The following MPP1 variants were observed in gnomAD, a reference collection of about 807,000 sequenced individuals.
The protein encoded by MPP1 is 55 kDa erythrocyte membrane protein.
In MPP1, 6 loss-of-function variants were observed where a neutral mutation model predicts 38.2. The observed-to-expected ratio is 0.16, with a 90% CI of 0.09 to 0.31. The LOEUF (loss-of-function observed/expected upper bound fraction) is 0.31. Among genes scored for constraint, MPP1 ranks in the 10% least tolerant of loss-of-function variants. The pLI is 1.00. For synonymous variants in MPP1, 153 were observed against 146.3 expected, an observed-to-expected ratio of 1.05 and a Z score of -0.33; for missense variants, 293 against 368.9, an observed-to-expected ratio of 0.79 and a Z score of 1.69.
intron 7 of MPP1, among the ~76,000 whole-genome samples, 168 bp from the exon 8 acceptor site, chrX:154,784,276 T>C (rs782816759): frequency 1.2e-4 from 13 of 110,909 alleles, no homozygotes; most frequent in Non-Finnish European, 2.5e-4. Flanking sequence ...ACTGTATTTT[T>C]AGTGTGGTGA....
At chrX:154,798,308 A>G (rs2072219318) in intron 1 of MPP1, among the ~76,000 whole-genome samples, 1 of 112,523 alleles carries the variant, frequency 8.9e-6, no homozygotes, top group Non-Finnish European at 1.9e-5. Context: ...TGTTCACTCA[A>G]AAGCCTGTAC....
intron 8 of MPP1, 89 bp downstream of exon 8, chrX:154,783,939 T>C: frequency 1.1e-6 from 1 of 873,672 alleles, no homozygotes; most frequent in Middle Eastern, 3.2e-4. Context: ...TCAGTTCTTT[T>C]CTTCCTCACT....
intron 3 of MPP1, 53 bp from the exon 4 acceptor site, chrX:154,791,121 C>G: frequency 9.6e-7 from 1 of 1,037,774 alleles, no homozygotes; most frequent in East Asian, 3.0e-5. Context: ...CAAACAGGAG[C>G]TGTCAATGTA....
At chrX:154,783,712 C>A in intron 8 of MPP1, 1 of 434,959 alleles carries the variant, frequency 2.3e-6, no homozygotes, top group South Asian at 3.5e-5. Flanking sequence ...CAAGGACTTA[C>A]TCTGTTTCAG....
At chrX:154,801,524 C>T (rs1009113574) in intron 1 of MPP1, among the ~76,000 whole-genome samples, 2 of 109,842 alleles carry the variant, frequency 1.8e-5, no homozygotes, top group Non-Finnish European at 3.8e-5. Flanking sequence ...TTTGGGAGGC[C>T]GAGGCAGGCG....
intron 5 of MPP1, among the ~76,000 whole-genome samples, chrX:154,787,539 A>G (rs1557267354): frequency 8.9e-6 from 1 of 112,323 alleles, no homozygotes; most frequent in Non-Finnish European, 1.9e-5. Flanking sequence ...TAAAATTCTT[A>G]GCAAACTTGG....
At chrX:154,794,138 T>C (rs1443825898) in intron 1 of MPP1, among the ~76,000 whole-genome samples, 1 of 111,519 alleles carries the variant, frequency 9.0e-6, no homozygotes, top group African/African-American at 3.3e-5. Context: ...AACACTACTC[T>C]TAAAAGCCCA....
intron 1 of MPP1, among the ~76,000 whole-genome samples, chrX:154,793,098 C>A (rs1557267911): frequency 8.9e-6 from 1 of 111,811 alleles, no homozygotes; most frequent in Admixed American, 9.5e-5. Flanking sequence ...GAAAAATGGT[C>A]TGCACGATAA....
intron 7 of MPP1, 34 bp from the exon 8 acceptor site, chrX:154,784,142 C>T: frequency 9.0e-7 from 1 of 1,113,441 alleles, no homozygotes; most frequent in Non-Finnish European, 1.2e-6. Context: ...GTGTTCATTT[C>T]CAGAGCTAGG....
intron 2 of MPP1, 82 bp downstream of exon 2, chrX:154,792,060 C>T: frequency 8.7e-7 from 1 of 1,143,429 alleles, no homozygotes; most frequent in Non-Finnish European, 1.2e-6. Flanking sequence ...ACTCCATGAG[C>T]AGCCTCTTGC....
At chrX:154,797,144 C>T (rs903417845) in intron 1 of MPP1, among the ~76,000 whole-genome samples, 2 of 112,084 alleles carry the variant, frequency 1.8e-5, no homozygotes, top group African/African-American at 3.2e-5. Flanking sequence ...CAGGGGACTC[C>T]AACTTCTTTT....
chrX:154,787,205 T>C (rs1284487160), intron 5 of MPP1, among the ~76,000 whole-genome samples: 2 of 110,074 alleles, frequency 1.8e-5, no homozygotes, highest in Non-Finnish European at 3.8e-5. Flanking sequence ...AGAAGGCTAA[T>C]CTCATACGAA....
At chrX:154,789,071 A>C (rs2072112206) in intron 5 of MPP1, among the ~76,000 whole-genome samples, 1 of 111,693 alleles carries the variant, frequency 9.0e-6, no homozygotes, top group African/African-American at 3.3e-5. Context: ...GCATGGGTGT[A>C]CTCAGTTTGT....
chrX:154,779,409 G>A, intron 11 of MPP1, 56 bp from the exon 12 acceptor site: 4 of 1,082,910 alleles, frequency 3.7e-6, no homozygotes, highest in Non-Finnish European at 3.7e-6. Context: ...GCCCAGAGAG[G>A]CCAGTGACAG....
At chrX:154,802,440 G>A (rs192073520) in intron 1 of MPP1, among the ~76,000 whole-genome samples, 92 of 111,729 alleles carry the variant, frequency 8.2e-4, no homozygotes, top group Admixed American at 1.6e-3. Flanking sequence ...CCTGGAGCCT[G>A]ACTTATCTGT....
chrX:154,804,874 G>T (rs1557269002), intron 1 of MPP1: 1 of 352,784 alleles, frequency 2.8e-6, no homozygotes, highest in African/African-American at 2.6e-5. Context: ...CCAGAAGCTG[G>T]CTTTTACAAT....
At chrX:154,787,572 G>A (rs950764704) in intron 5 of MPP1, among the ~76,000 whole-genome samples, 5 of 112,103 alleles carry the variant, frequency 4.5e-5, no homozygotes, top group East Asian at 5.5e-4. Flanking sequence ...GTTCTTTACT[G>A]TGAGAAAGAA....
chrX:154,801,785 A>AAAAAAAAAAAAAAAAAAAAAAAG (rs2072268412), intron 1 of MPP1, among the ~76,000 whole-genome samples: 1 of 72,814 alleles, frequency 1.4e-5, no homozygotes. Context: ...AAAAAAAAAA[A>AAAAAAAAAAAAAAAAAAAAAAAG]ACAAAAAACA....
intron 1 of MPP1, among the ~76,000 whole-genome samples, chrX:154,802,916 CT>C (rs1471771655): frequency 8.9e-6 from 1 of 112,304 alleles, no homozygotes; most frequent in Admixed American, 9.4e-5. Context: ...CAACAACTTC[CT>C]CACAGGTTTT....
Sources: gnomAD v4.1 joint callset for allele counts (sites outside exome capture counted in the v4.1 genomes callset) on GRCh38, gnomAD v4.1.1 for gene constraint, MANE v1.5 for transcripts, NCBI Gene and HGNC (gene_info 2026-07-23, HGNC 2026-07-21) for gene names.